Variants in MOXD1 observed in about 807,000 individuals in gnomAD.
MOXD1 encodes monooxygenase DBH like 1.
A neutral mutation model predicts 66.6 loss-of-function variants in MOXD1; 62 were observed. The ratio of observed to expected loss-of-function variants is 0.93; its 90% confidence interval spans 0.76 to 1.15. MOXD1 has a LOEUF of 1.15. MOXD1 is among the 50% of genes most tolerant of loss of function. The probability of loss-of-function intolerance (pLI) is 0.00; values close to 1 mark genes in which losing one functional copy is unlikely to be tolerated. For missense variants in MOXD1, 847 were observed against 754.6 expected (o/e 1.12, Z -1.44); for synonymous variants, 303 against 281.9 (o/e 1.07, Z -0.75).
At chr6:132,331,481 T>C (rs1227776787) in intron 4 of MOXD1, among the ~76,000 whole-genome samples, 2 of 151,946 alleles carry the variant, frequency 1.3e-5, no homozygotes, top group Non-Finnish European at 2.9e-5. Flanking sequence ...TGAAAGAAAC[T>C]TTTAAGAGCA....
chr6:132,350,612 T>C (rs1214835230), intron 4 of MOXD1, among the ~76,000 whole-genome samples: 1 of 152,200 alleles, frequency 6.6e-6, no homozygotes, highest in Non-Finnish European at 1.5e-5. Flanking sequence ...GGCTCTTTTT[T>C]GGTTCCATAT....
At chr6:132,384,530 G>T (rs904708691) in intron 1 of MOXD1, among the ~76,000 whole-genome samples, 1 of 152,094 alleles carries the variant, frequency 6.6e-6, no homozygotes, top group Non-Finnish European at 1.5e-5. Flanking sequence ...AATACTTACA[G>T]AAAAATAAAA....
intron 4 of MOXD1, among the ~76,000 whole-genome samples, chr6:132,338,570 C>T (rs922312536): frequency 6.6e-6 from 1 of 152,156 alleles, no homozygotes; most frequent in Non-Finnish European, 1.5e-5. Flanking sequence ...TCTTCCCTTG[C>T]CTTACTCTCC....
intron 4 of MOXD1, among the ~76,000 whole-genome samples, chr6:132,340,638 A>ATTTTTTTTTTTT (rs869205496): frequency 4.0e-5 from 4 of 98,808 alleles, no homozygotes; most frequent in African/African-American, 1.8e-4. Context: ...AACAAGACTC[A>ATTTTTTTTTTTT]TTTTTTTTTT....
chr6:132,384,047 C>T (rs1458209306), intron 1 of MOXD1, among the ~76,000 whole-genome samples: 4 of 152,206 alleles, frequency 2.6e-5, no homozygotes, highest in South Asian at 2.1e-4. Flanking sequence ...CCAGCCTGGG[C>T]GGCAGAGCAA....
rs768831080 is a variant in MOXD1, at chr6:132,328,612, A to T, written c.664-18T>A. The T allele has an allele frequency of 6.2e-7, 1 of 1,610,560 alleles. No individual in the cohort carries two copies. Among genetic ancestry groups the T allele is most frequent in the African/African-American group, 1.3e-5 (1 of 74,844 alleles). ...GGCTCAACCTACACGAACATAAATGAGAGGGAGGACACAATAAATAAGACC... is the reference window on the plus strand; with the variant it reads ...GGCTCAACCTACACGAACATAAATGTGAGGGAGGACACAATAAATAAGACC... On this transcript the variant is annotated intron_variant, in intron 4 of 11. Transcript: ENST00000367963.
chr6:132,302,659 C>T (rs1774568220), intron 10 of MOXD1, among the ~76,000 whole-genome samples: 2 of 151,762 alleles, frequency 1.3e-5, no homozygotes, highest in South Asian at 4.2e-4. Flanking sequence ...CAGTATAATC[C>T]CAATCAAATC....
intron 1 of MOXD1, among the ~76,000 whole-genome samples, chr6:132,384,731 G>T (rs1776591488): frequency 6.6e-6 from 1 of 152,180 alleles, no homozygotes; most frequent in Non-Finnish European, 1.5e-5. Context: ...TTATCCAGTG[G>T]GATGAAGCAA....
Position 132,296,965 on chromosome 6 carries a change from T to C in MOXD1, c.*188A>G, listed in dbSNP as rs755359388. On this transcript the variant is annotated 3_prime_UTR_variant, in exon 12 of 12. Transcript: ENST00000367963. The stretch of plus-strand genomic sequence containing the variant: ...GACCATGTATATATAACATCAGATA[T>C]TTCTAAGAAAGAGAAGAGAACCTGA... 5 of 520,506 alleles carry C rather than the reference T, an allele frequency of 9.6e-6. No individual in the cohort carries two copies. Among genetic ancestry groups the C allele is most frequent in the Non-Finnish European group, 1.7e-5 (5 of 298,154 alleles). 32.2% of individuals were successfully genotyped at this position (520,506 alleles called of 1,614,324 possible). A position where few individuals can be genotyped will look rare whatever the true frequency, so the allele number is the denominator to read the frequency against.
chr6:132,350,739 A>C (rs1469606020), intron 4 of MOXD1, among the ~76,000 whole-genome samples: 1 of 152,158 alleles, frequency 6.6e-6, no homozygotes, highest in Non-Finnish European at 1.5e-5. Context: ...CACAATATTG[A>C]TTCTACCCAT....
intron 1 of MOXD1, among the ~76,000 whole-genome samples, chr6:132,385,488 T>A (rs1234573827): frequency 7.1e-6 from 1 of 141,630 alleles, no homozygotes. Flanking sequence ...TTATTATTAT[T>A]ATTATTATTA....
chr6:132,395,895 G>A (rs1776858632), intron 1 of MOXD1, among the ~76,000 whole-genome samples: 1 of 152,030 alleles, frequency 6.6e-6, no homozygotes, highest in Non-Finnish European at 1.5e-5. Flanking sequence ...GATCTATAAA[G>A]CAATTATTAT....
intron 6 of MOXD1, among the ~76,000 whole-genome samples, chr6:132,326,572 T>C (rs1294195016): frequency 6.6e-6 from 1 of 152,148 alleles, no homozygotes; most frequent in Non-Finnish European, 1.5e-5. Context: ...ATTCAATAAT[T>C]AATCCCATTG....
chr6:132,389,579 G>A lies in MOXD1; in HGVS notation c.264+11584C>T, dbSNP rs531805280. ...GATTGTGCTTTGACTGGTGGGGGAT[G>A]GGGTTGCCTGGGCACTGGAATTATT... On this transcript the variant is annotated intron_variant, in intron 1 of 11. Transcript: ENST00000367963. 1.8e-3 allele frequency among the ~76,000 whole-genome samples: 268 copies of A among 151,650 alleles called. 4 individuals are homozygous for A. The highest frequency in any genetic ancestry group is 6.2e-3 in the African/African-American group (259 of 41,526).
chr6:132,379,197 G>A (rs1336378219), intron 1 of MOXD1, among the ~76,000 whole-genome samples: 1 of 151,864 alleles, frequency 6.6e-6, no homozygotes, highest in African/African-American at 2.4e-5. Flanking sequence ...ATCATGCAGA[G>A]TTGTCTTAAC....
intron 4 of MOXD1, among the ~76,000 whole-genome samples, chr6:132,364,048 T>G (rs972474703): frequency 6.6e-6 from 1 of 151,822 alleles, no homozygotes; most frequent in Non-Finnish European, 1.5e-5. Context: ...GAAGAAAAAT[T>G]AAAAAATAAA....
chr6:132,298,707 A>G (rs1025877143), intron 10 of MOXD1, among the ~76,000 whole-genome samples: 3 of 152,052 alleles, frequency 2.0e-5, no homozygotes, highest in African/African-American at 7.2e-5. Flanking sequence ...GCAAATAAAA[A>G]CCAGAGTGAG....
intron 4 of MOXD1, among the ~76,000 whole-genome samples, chr6:132,355,197 G>A (rs1349427015): frequency 3.3e-5 from 5 of 152,088 alleles, no homozygotes; most frequent in African/African-American, 9.7e-5. Flanking sequence ...TTGTTACAAA[G>A]TTCAGCTGGG....
intron 7 of MOXD1, 50 bp downstream of exon 7, chr6:132,323,881 A>G (rs1775131456): frequency 6.7e-7 from 1 of 1,491,620 alleles, no homozygotes; most frequent in Non-Finnish European, 9.0e-7. Context: ...ACAGTTTCTA[A>G]GAGCATTGAT....
Sources: gnomAD v4.1 joint callset for allele counts (sites outside exome capture counted in the v4.1 genomes callset) on GRCh38, gnomAD v4.1.1 for gene constraint, MANE v1.5 for transcripts, NCBI Gene and HGNC (gene_info 2026-07-23, HGNC 2026-07-21) for gene names.